CLEC2L: variants seen among roughly 807,000 people sequenced by gnomAD.
CLEC2L encodes the protein C-type lectin domain family 2, member L.
CLEC2L carries 14 observed loss-of-function variants against 23.6 expected under a neutral mutation model. The ratio of observed to expected loss-of-function variants is 0.59; its 90% CI spans 0.39 to 0.93. The LOEUF (loss-of-function observed/expected upper bound fraction) is 0.93. Among genes scored for constraint, CLEC2L ranks in the 40% least tolerant of loss-of-function variants. The pLI, the probability that CLEC2L is intolerant of heterozygous loss-of-function variation, is 0.00. For synonymous variants in CLEC2L, 114 were observed against 121.3 expected, an observed-to-expected ratio of 0.94 and a Z score of 0.40; for missense variants, 264 against 282.4, an observed-to-expected ratio of 0.93 and a Z score of 0.47.
At chr7:139,528,275 C>G (rs928808946) in intron 1 of CLEC2L, among the ~76,000 whole-genome samples, 6 of 152,142 alleles carry the variant, frequency 3.9e-5, no homozygotes, top group African/African-American at 1.4e-4. Flanking sequence ...AGAGTGGGCC[C>G]TAATCCCATA....
chr7:139,544,431 C>T lies in CLEC2L; in HGVS notation c.*89C>T. On this transcript the variant is annotated 3_prime_UTR_variant, in exon 5 of 5. Transcript: ENST00000422142. ...GACCTGCTTCCAGCGGAGCCGCCTG[C>T]CCTCTGCAAGGCGAAGCGGTGGGTG... The T allele has an allele frequency of 1.0e-6, 1 of 972,052 alleles. No individual in the cohort carries two copies. The highest frequency in any genetic ancestry group is 1.5e-5 in the South Asian group (1 of 68,818). 60.2% of individuals were successfully genotyped at this position (972,052 alleles called of 1,614,324 possible). A position where few individuals can be genotyped will look rare whatever the true frequency, so the allele number is the denominator to read the frequency against.
chr7:139,530,855 C>T (rs1797572249), intron 1 of CLEC2L, among the ~76,000 whole-genome samples: 1 of 151,226 alleles, frequency 6.6e-6, no homozygotes, highest in Non-Finnish European at 1.5e-5. Flanking sequence ...CTAGACATCA[C>T]CACACTGAGA....
At position 139,544,620 on chromosome 7, in the gene CLEC2L, C is replaced by T. The variant is rs1009875280; in HGVS notation, c.*278C>T. On this transcript the variant is annotated 3_prime_UTR_variant, in exon 5 of 5. Coordinates refer to ENST00000422142, the MANE Select transcript of CLEC2L (RefSeq NM_001080511.4). ...ACACACACACACATGCATAGGTACA[C>T]GCACGCACAGACGCTGTCCCTTCTG... 3 of 442,970 alleles carry T rather than the reference C, an allele frequency of 6.8e-6. No individual in the cohort carries two copies. The highest frequency in any genetic ancestry group is 8.3e-6 in the Non-Finnish European group (2 of 242,404). The allele number at this position is 442,970 out of a possible 1,614,324, so 27.4% of individuals were successfully genotyped here.
chr7:139,527,915 T>C (rs1344416811), intron 1 of CLEC2L, among the ~76,000 whole-genome samples: 3 of 152,214 alleles, frequency 2.0e-5, no homozygotes, highest in Non-Finnish European at 4.4e-5. Context: ...CCAGGCTGTG[T>C]CCCCGATGAC....
chr7:139,532,365 G>C (rs1347056877), intron 1 of CLEC2L, among the ~76,000 whole-genome samples: 1 of 152,142 alleles, frequency 6.6e-6, no homozygotes, highest in African/African-American at 2.4e-5. Flanking sequence ...ACCAAGATGA[G>C]GGAGTAAACC....
chr7:139,524,399 T>C (rs1385960386), intron 1 of CLEC2L, among the ~76,000 whole-genome samples: 1 of 152,148 alleles, frequency 6.6e-6, no homozygotes, highest in African/African-American at 2.4e-5. Context: ...TGAGCCTTCG[T>C]CTCCTCACGC....
intron 1 of CLEC2L, among the ~76,000 whole-genome samples, 194 bp downstream of exon 1, chr7:139,524,311 G>T (rs956732285): frequency 6.6e-6 from 1 of 152,154 alleles, no homozygotes; most frequent in African/African-American, 2.4e-5. Flanking sequence ...GGAGGGAACC[G>T]GGGGCCACCG....
At chr7:139,542,540 C>A (rs535459995) in intron 4 of CLEC2L, among the ~76,000 whole-genome samples, 2 of 152,310 alleles carry the variant, frequency 1.3e-5, no homozygotes, top group East Asian at 3.9e-4. Flanking sequence ...CCGCACCTGG[C>A]CGCAAGGGAG....
intron 2 of CLEC2L, among the ~76,000 whole-genome samples, chr7:139,538,745 T>C (rs1797695221): frequency 1.5e-5 from 2 of 136,180 alleles, no homozygotes; most frequent in Non-Finnish European, 3.1e-5. Context: ...CGAGACTCCA[T>C]CTCAAAAAAA....
rs79314470 is a variant in CLEC2L, at chr7:139,534,574, G to C, written c.191-1700G>C. ...TAAATAATTGTATTGGAAGCATTAGGGGGGTTGGGGGTGGGCTTGGAACAC... is the reference window on the plus strand; with the variant it reads ...TAAATAATTGTATTGGAAGCATTAGCGGGGTTGGGGGTGGGCTTGGAACAC... On this transcript the variant is annotated intron_variant, in intron 1 of 4. Coordinates refer to ENST00000422142, the MANE Select transcript of CLEC2L (RefSeq NM_001080511.4). 4.8e-4 allele frequency: 350 copies of C among 736,038 alleles called. 3 individuals carry two copies. The African/African-American group carries it at 5.4e-3, about 11-fold the overall frequency. The allele number at this position is 736,038 out of a possible 1,614,324, so 45.6% of individuals were successfully genotyped here. A position where few individuals can be genotyped will look rare whatever the true frequency, so the allele number is the denominator to read the frequency against.
intron 1 of CLEC2L, chr7:139,534,688 A>C: frequency 2.4e-6 from 1 of 421,798 alleles, no homozygotes; most frequent in South Asian, 4.8e-5. Flanking sequence ...TGGCTGTATT[A>C]GATGAAATGT....
At chr7:139,536,219 TG>T in intron 1 of CLEC2L, 54 bp from the exon 2 acceptor site, 1 of 1,385,328 alleles carries the variant, frequency 7.2e-7, no homozygotes, top group Non-Finnish European at 1.0e-6. Context: ...GGGCTGGCAG[TG>T]GGACTGGCGG....
Position 139,523,952 on chromosome 7 carries a change from T to A in CLEC2L, c.25T>A (p.Ser9Thr). ...CATGGAGCCGGCCCGGGAGCCCCCC[T>A]CGCGGGCCCGGCCGCCGCCGCCCCT... Reference protein sequence around the residue: MEPAREPPSRARPPPPLAA... With the variant: MEPAREPPTRARPPPPLAA... Residue 9 changes from serine (S) to threonine (T), a missense_variant, in exon 1 of 5, where the codon TCG (serine) becomes ACG (threonine). Coordinates refer to ENST00000422142, the MANE Select transcript of CLEC2L (RefSeq NM_001080511.4). The surrounding 1 kb of genome is among the most constrained non-coding windows in gnomAD (Gnocchi z 4.1). 1 of 967,368 alleles carries A rather than the reference T, an allele frequency of 1.0e-6. No individual in the cohort carries two copies. The highest frequency in any genetic ancestry group is 1.2e-6 in the Non-Finnish European group (1 of 817,594). The allele number at this position is 967,368 out of a possible 1,614,324, so 59.9% of individuals were successfully genotyped here.
Position 139,525,335 on chromosome 7 carries a change from C to T in CLEC2L, c.190+1218C>T, listed in dbSNP as rs546713267. 7.2e-5 allele frequency among the ~76,000 whole-genome samples: 11 copies of T among 152,074 alleles called. No individual in the cohort carries two copies. In the South Asian group the frequency reaches 1.0e-3, roughly 14 times the overall value. ...CAGGTCATGGGGCTGCTGAGGATGG[C>T]GAGGTGGGGATGGTAATGCCAGCCT... On this transcript the variant is annotated intron_variant, in intron 1 of 4. Coordinates refer to ENST00000422142, the MANE Select transcript of CLEC2L (RefSeq NM_001080511.4).
At chr7:139,525,015 AC>A (rs1797486480) in intron 1 of CLEC2L, among the ~76,000 whole-genome samples, 2 of 152,136 alleles carry the variant, frequency 1.3e-5, no homozygotes, top group African/African-American at 4.8e-5. Context: ...CCAGAGCATG[AC>A]GTATCCCAGG....
At chr7:139,538,798 AC>A (rs1347293467) in intron 2 of CLEC2L, among the ~76,000 whole-genome samples, 4 of 152,046 alleles carry the variant, frequency 2.6e-5, no homozygotes, top group Admixed American at 2.6e-4. Flanking sequence ...AAAAAAGGCA[AC>A]CACTGGGCCT....
At chr7:139,532,196 A>G (rs780804467) in intron 1 of CLEC2L, among the ~76,000 whole-genome samples, 36 of 152,228 alleles carry the variant, frequency 2.4e-4, no homozygotes, top group Non-Finnish European at 4.6e-4. Flanking sequence ...AAGGAGAATT[A>G]TTCTTGATCT....
chr7:139,542,265 A>G, intron 4 of CLEC2L, 144 bp downstream of exon 4: 1 of 596,624 alleles, frequency 1.7e-6, no homozygotes, highest in Non-Finnish European at 2.9e-6. Context: ...TGTGCGCCAG[A>G]GACCCAGCCA....
In CLEC2L at chr7:139,544,184, C is replaced by T. The variant is rs1260127999; in HGVS notation, c.534-47C>T. The T allele has an allele frequency of 4.1e-6, 6 of 1,462,830 alleles. No individual in the cohort carries two copies. In the Admixed American group the frequency reaches 1.1e-4, roughly 27 times the overall value. 90.6% of individuals were successfully genotyped at this position (1,462,830 alleles called of 1,614,324 possible). A position where few individuals can be genotyped will look rare whatever the true frequency, so the allele number is the denominator to read the frequency against. ...GCCTCCCCTGCCACTGGGTTTTGGG[C>T]TGAATGTTCCAGATCATAAACGCCT... On this transcript the variant is annotated intron_variant, in intron 4 of 4. Coordinates refer to ENST00000422142, the MANE Select transcript of CLEC2L (RefSeq NM_001080511.4).
Sources: gnomAD v4.1 joint callset for allele counts (sites outside exome capture counted in the v4.1 genomes callset) on GRCh38, gnomAD v4.1.1 for gene constraint, Gnocchi (gnomAD v3.1) non-coding constraint, MANE v1.5 for transcripts, NCBI Gene and HGNC (gene_info 2026-07-23, HGNC 2026-07-21) for gene names.